PLA2G15: variants seen among roughly 807,000 people sequenced by gnomAD.
The protein encoded by PLA2G15 is phospholipase A2 group XV.
A neutral mutation model predicts 40.9 loss-of-function variants in PLA2G15; 20 were observed. The ratio of observed to expected loss-of-function variants is 0.49; its 90% CI spans 0.34 to 0.71. The LOEUF is 0.71. Among genes scored for constraint, PLA2G15 ranks in the 30% least tolerant of loss-of-function variants. The pLI, the probability that PLA2G15 is intolerant of heterozygous loss-of-function variation, is 0.01. For synonymous variants in PLA2G15, 223 were observed against 228.2 expected (o/e 0.98, Z 0.21); for missense variants, 471 against 541.9 (o/e 0.87, Z 1.30).
At position 68,251,986 on chromosome 16, in the gene PLA2G15, G is replaced by A. The variant is rs139569611; in HGVS notation, c.284+2540G>A. On this transcript the variant is annotated intron_variant, in intron 2 of 5. Transcript: ENST00000219345. ...CTCCTCTGTGTGTTGTGTGACTGGG[G>A]TTATTTCTGGGCTGTTGATGTGCAT... Among the ~76,000 whole-genome samples, 287 of 152,250 alleles carry A rather than the reference G, an allele frequency of 1.9e-3. 4 individuals are homozygous for A. The highest frequency in any genetic ancestry group is 6.5e-3 in the African/African-American group (272 of 41,558).
chr16:68,247,851 T>C (rs1284847207), intron 1 of PLA2G15, among the ~76,000 whole-genome samples: 4 of 152,142 alleles, frequency 2.6e-5, no homozygotes, highest in Non-Finnish European at 5.9e-5. Flanking sequence ...CGGGGATGTG[T>C]TTGGGAAGTG....
Position 68,259,520 on chromosome 16 carries a change from G to A in PLA2G15, c.1102G>A (p.Ala368Thr), listed in dbSNP as rs1252148202. 6.2e-7 allele frequency: 1 copy of A among 1,613,198 alleles called. No individual in the cohort carries two copies. Among genetic ancestry groups the A allele is most frequent in the South Asian group, 1.1e-5 (1 of 91,090 alleles). Residue 368 changes from alanine (A) to threonine (T), a missense_variant, in exon 6 of 6, where the codon GCC becomes ACC. Ala to Thr is a moderately conservative substitution (Grantham distance 58). Coordinates refer to ENST00000219345, the MANE Select transcript of PLA2G15 (RefSeq NM_012320.4). This position sits in a 1 kb window ranked among gnomAD's most constrained non-coding sequence, Gnocchi z 6.5. ...DGDGTVNLKS[A>T]LQCQAWQSRQ... is the part of the protein sequence containing the mutation. ...CGATGGTACTGTGAACTTGAAGAGT[G>A]CCCTGCAGTGCCAGGCCTGGCAGAG...
At position 68,255,815 on chromosome 16, in the gene PLA2G15, G is replaced by GT. The variant is rs1438614390; in HGVS notation, c.553dup (p.Tyr185LeufsTer95). The stretch of plus-strand genomic sequence containing the variant: ...CCCTCCGCGAGATGATCGAGGAGAT[G>GT]TACCAGCTGTATGGGGGCCCCGTGG... On this transcript the variant is annotated frameshift_variant, in exon 5 of 6. Transcript: ENST00000219345. LOFTEE classifies it high-confidence loss of function. This position sits in a 1 kb window ranked among gnomAD's most constrained non-coding sequence, Gnocchi z 5.9. The GT allele has an allele frequency of 4.3e-6, 7 of 1,614,084 alleles. No individual in the cohort carries two copies. The highest frequency in any genetic ancestry group is 5.9e-6 in the Non-Finnish European group (7 of 1,180,022).
chr16:68,246,247 C>A (rs3785110), intron 1 of PLA2G15, among the ~76,000 whole-genome samples: 1 of 150,642 alleles, frequency 6.6e-6, no homozygotes, highest in Admixed American at 6.6e-5. Context: ...CTGCTCACCC[C>A]GCTCCTTGAT....
At chr16:68,253,686 G>GTTTTT (rs1274710560) in intron 2 of PLA2G15, among the ~76,000 whole-genome samples, 6 of 115,958 alleles carry the variant, frequency 5.2e-5, no homozygotes, top group South Asian at 2.9e-4. Flanking sequence ...AGTGTGTTTT[G>GTTTTT]TTTTGTTTTT....
chr16:68,256,187 G>C, intron 5 of PLA2G15, 197 bp downstream of exon 5: 1 of 550,264 alleles, frequency 1.8e-6, no homozygotes, highest in Non-Finnish European at 3.2e-6. Flanking sequence ...ATTTAATAGG[G>C]ACATACGAAT....
chr16:68,248,891 G>A lies in PLA2G15; in HGVS notation c.128-399G>A, dbSNP rs115223179. Among the ~76,000 whole-genome samples, 579 of 152,332 alleles carry A rather than the reference G, an allele frequency of 3.8e-3. 5 individuals carry two copies. The highest frequency in any genetic ancestry group is 0.014 in the African/African-American group (566 of 41,568). ...ACAGATACGGAAACTGAGGCCTAGT[G>A]TGGGGAGTGACTTCACCCTGAACCC... On this transcript the variant is annotated intron_variant, in intron 1 of 5. Transcript: ENST00000219345.
Position 68,255,589 on chromosome 16 carries a change from C to T in PLA2G15, c.503-177C>T, listed in dbSNP as rs369402335. On this transcript the variant is annotated intron_variant, in intron 4 of 5. Transcript: ENST00000219345. The surrounding 1 kb of genome is among the most constrained non-coding windows in gnomAD (Gnocchi z 5.9). The stretch of plus-strand genomic sequence containing the variant: ...CCCTGGGACCTCTGGGCCTGTGAGC[C>T]CTGGGGAGAAATATAAGGCTTCCTC... 14 of 654,056 alleles carry T rather than the reference C, an allele frequency of 2.1e-5. 1 individual carries two copies. The highest frequency in any genetic ancestry group is 1.9e-4 in the East Asian group (7 of 36,748). The allele number at this position is 654,056 out of a possible 1,614,324, so 40.5% of individuals were successfully genotyped here.
chr16:68,255,071 G>A lies in PLA2G15; in HGVS notation c.403+34G>A. On this transcript the variant is annotated intron_variant, in intron 3 of 5. Transcript: ENST00000219345. The surrounding 1 kb of genome is among the most constrained non-coding windows in gnomAD (Gnocchi z 5.9). ...CCCTTACTCAAGGCCTCCGGGAGCT[G>A]GGATGGGGTTTCTGCCGGACTGGAG... 1.4e-6 allele frequency: 2 copies of A among 1,407,920 alleles called. No homozygotes were observed. Among genetic ancestry groups the A allele is most frequent in the Non-Finnish European group, 2.0e-6 (2 of 992,704 alleles). 87.2% of individuals were successfully genotyped at this position (1,407,920 alleles called of 1,614,324 possible).
rs2042392446 is a variant in PLA2G15, at chr16:68,255,400, C to T, written c.502+20C>T. 6.4e-7 allele frequency: 1 copy of T among 1,555,246 alleles called. No homozygotes were observed. The highest frequency in any genetic ancestry group is 8.8e-7 in the Non-Finnish European group (1 of 1,131,352). On this transcript the variant is annotated intron_variant, in intron 4 of 5. Transcript: ENST00000219345. This position sits in a 1 kb window ranked among gnomAD's most constrained non-coding sequence, Gnocchi z 5.9. ...CCCCAAGTAAGCAGGCACTCTCATT[C>T]CCTCCCTGACGTCTCGGGAGGTAGG...
Position 68,259,385 on chromosome 16 carries a change from C to T in PLA2G15, c.967C>T (p.Pro323Ser). Residue 323 changes from proline to serine, a missense_variant, in exon 6 of 6, where the codon CCA becomes TCA. Pro to Ser is a moderately conservative substitution (Grantham distance 74). Transcript: ENST00000219345. This position sits in a 1 kb window ranked among gnomAD's most constrained non-coding sequence, Gnocchi z 6.5. ...DTEGLVEATM[P>S]PGVQLHCLYG... ...AGAAGGGCTGGTGGAAGCCACGATGCCACCTGGCGTGCAGCTGCACTGCCT... is the reference window on the plus strand; with the variant it reads ...AGAAGGGCTGGTGGAAGCCACGATGTCACCTGGCGTGCAGCTGCACTGCCT... 6.2e-7 allele frequency: 1 copy of T among 1,614,032 alleles called. No individual in the cohort carries two copies. The highest frequency in any genetic ancestry group is 8.5e-7 in the Non-Finnish European group (1 of 1,180,046).
At position 68,255,975 on chromosome 16, in the gene PLA2G15, C is replaced by G; in HGVS notation, c.712C>G (p.Arg238Gly). The G allele has an allele frequency of 6.2e-7, 1 of 1,603,482 alleles. No homozygotes were observed. Among genetic ancestry groups the G allele is most frequent in the South Asian group, 1.1e-5 (1 of 90,588 alleles). The change falls in exon 5 of 6, where the codon CGC (arginine) becomes GGC (glycine). Residue 238 changes from arginine to glycine, a missense_variant. Transcript: ENST00000219345. This position sits in a 1 kb window ranked among gnomAD's most constrained non-coding sequence, Gnocchi z 5.9. ...APWGGVAKTL[R>G]VLASGDNNRI... The stretch of plus-strand genomic sequence containing the variant: ...CTGGGGGGGCGTGGCCAAGACCCTG[C>G]GCGTCCTGGCTTCAGGTAAGACCCT...
At position 68,259,961 on chromosome 16, in the gene PLA2G15, G is replaced by C; in HGVS notation, c.*304G>C. On this transcript the variant is annotated 3_prime_UTR_variant, in exon 6 of 6. Coordinates refer to ENST00000219345, the MANE Select transcript of PLA2G15 (RefSeq NM_012320.4). The surrounding 1 kb of genome is among the most constrained non-coding windows in gnomAD (Gnocchi z 6.5). ...TGGCTGGGCCCTGGTCCCAGTCCCT[G>C]CCTGGGGCCATGTGTCCCCCCTATT... 1 of 436,986 alleles carries C rather than the reference G, an allele frequency of 2.3e-6. No homozygotes were observed. Among genetic ancestry groups the C allele is most frequent in the Non-Finnish European group, 4.2e-6 (1 of 240,136 alleles). The allele number at this position is 436,986 out of a possible 1,614,324, so 27.1% of individuals were successfully genotyped here.
intron 2 of PLA2G15, among the ~76,000 whole-genome samples, chr16:68,251,472 G>A (rs1232485990): frequency 2.0e-5 from 3 of 152,112 alleles, no homozygotes; most frequent in African/African-American, 7.2e-5. Flanking sequence ...ATGAGGTCAG[G>A]AGTTCGAGAC....
intron 2 of PLA2G15, chr16:68,254,213 A>G (rs1392611909): frequency 6.6e-6 from 1 of 152,058 alleles, no homozygotes; most frequent in Non-Finnish European, 1.5e-5. Context: ...GGAGAGGGGA[A>G]TGTTGCTTTG....
intron 2 of PLA2G15, chr16:68,253,444 T>C (rs1011275404): frequency 2.3e-6 from 1 of 427,162 alleles, no homozygotes; most frequent in Non-Finnish European, 4.7e-6. Context: ...TGGCGCAATC[T>C]CGGCTCACTA....
rs761795433 is a variant in PLA2G15 at position 68,249,295 on chromosome 16, G to C, written c.133G>C (p.Gly45Arg). The change falls in exon 2 of 6, where the codon GGT becomes CGT. Residue 45 changes from glycine to arginine, a missense_variant. Physicochemically the swap from Gly to Arg is moderately radical, Grantham distance 125 (BLOSUM62 -2). Transcript: ENST00000219345. ...ATGTCCTGTGCCCCCTGCAGTCCCT[G>C]GTGATTTGGGTAACCAACTGGAAGC... ...GRHPPVVLVPGDLGNQLEAKL... is the reference protein window; with the variant it reads ...GRHPPVVLVPRDLGNQLEAKL... 18 of 1,613,952 alleles carry C rather than the reference G, an allele frequency of 1.1e-5. No homozygotes were observed. Among genetic ancestry groups the C allele is most frequent in the Non-Finnish European group, 1.4e-5 (17 of 1,179,954 alleles).
chr16:68,255,077 G>T lies in PLA2G15; in HGVS notation c.403+40G>T. The T allele has an allele frequency of 7.3e-7, 1 of 1,369,366 alleles. No individual in the cohort carries two copies. Among genetic ancestry groups the T allele is most frequent in the Non-Finnish European group, 1.0e-6 (1 of 957,894 alleles). 84.8% of individuals were successfully genotyped at this position (1,369,366 alleles called of 1,614,324 possible). A position where few individuals can be genotyped will look rare whatever the true frequency, so the allele number is the denominator to read the frequency against. ...CTCAAGGCCTCCGGGAGCTGGGATGGGGTTTCTGCCGGACTGGAGCTGGAG... is the reference window on the plus strand; with the variant it reads ...CTCAAGGCCTCCGGGAGCTGGGATGTGGTTTCTGCCGGACTGGAGCTGGAG... On this transcript the variant is annotated intron_variant, in intron 3 of 5. Transcript: ENST00000219345. The surrounding 1 kb of genome is among the most constrained non-coding windows in gnomAD (Gnocchi z 5.9).
chr16:68,253,678 T>A (rs2042373827), intron 2 of PLA2G15, among the ~76,000 whole-genome samples: 1 of 147,106 alleles, frequency 6.8e-6, no homozygotes, highest in Non-Finnish European at 1.5e-5. Context: ...CCTGGCCTAG[T>A]GTGTTTTGTT....
Sources: gnomAD v4.1 joint callset for allele counts (sites outside exome capture counted in the v4.1 genomes callset) on GRCh38, gnomAD v4.1.1 for gene constraint, Gnocchi (gnomAD v3.1) non-coding constraint, MANE v1.5 for transcripts, NCBI Gene and HGNC (gene_info 2026-07-23, HGNC 2026-07-21) for gene names.